Variants in NRXN3 observed in about 807,000 individuals in gnomAD.
NRXN3 encodes neurexin 3.
In NRXN3, 32 loss-of-function variants were observed where a neutral mutation model predicts 137.6. That is an observed-to-expected ratio of 0.23 (90% CI 0.18 to 0.31). NRXN3 has a LOEUF of 0.31. Among genes scored for constraint, NRXN3 ranks in the 10% least tolerant of loss-of-function variants. The pLI is 1.00. For synonymous variants in NRXN3, 798 were observed against 784.5 expected (o/e 1.02, Z -0.29); for missense variants, 1,574 against 2,062.5 (o/e 0.76, Z 4.59).
At chr14:79,435,667 G>A (rs1055783220) in intron 15 of NRXN3, among the ~76,000 whole-genome samples, 44 of 147,328 alleles carry the variant, frequency 3.0e-4, no homozygotes, top group African/African-American at 8.5e-4. Context: ...ACAGGATCTC[G>A]CTCTGTCACC....
chr14:78,233,297 C>T (rs555155937), intron 1 of NRXN3, among the ~76,000 whole-genome samples: 9 of 152,260 alleles, frequency 5.9e-5, no homozygotes, highest in African/African-American at 1.7e-4. Flanking sequence ...AGTGAAAAGA[C>T]AGTCTGGTTC....
At chr14:79,280,720 C>A in intron 15 of NRXN3, 1 of 626,140 alleles carries the variant, frequency 1.6e-6, no homozygotes, top group Non-Finnish European at 2.7e-6. Context: ...GTGTTTTCTG[C>A]CCCTAGCCTC....
chr14:79,614,228 G>C (rs2098132724), intron 16 of NRXN3, among the ~76,000 whole-genome samples: 1 of 152,186 alleles, frequency 6.6e-6, no homozygotes, highest in African/African-American at 2.4e-5. Context: ...TTTGAAGTAA[G>C]AATTTCCTTC....
At chr14:78,783,854 A>T (rs1163462459) in intron 8 of NRXN3, among the ~76,000 whole-genome samples, 1 of 152,108 alleles carries the variant, frequency 6.6e-6, no homozygotes, top group East Asian at 1.9e-4. Flanking sequence ...TGGTCATCTT[A>T]CCTGGGAAGA....
At chr14:78,527,625 T>A (rs2096399945) in intron 4 of NRXN3, among the ~76,000 whole-genome samples, 1 of 152,216 alleles carries the variant, frequency 6.6e-6, no homozygotes, top group African/African-American at 2.4e-5. Context: ...AGCTCCAATT[T>A]TTTATGATCT....
At chr14:79,725,863 T>G (rs2098884782) in intron 19 of NRXN3, among the ~76,000 whole-genome samples, 1 of 152,146 alleles carries the variant, frequency 6.6e-6, no homozygotes, top group African/African-American at 2.4e-5. Context: ...GACAGTGCAG[T>G]TGTTTGCTAA....
At chr14:79,359,149 C>A (rs1287787485) in intron 15 of NRXN3, among the ~76,000 whole-genome samples, 1 of 152,198 alleles carries the variant, frequency 6.6e-6, no homozygotes, top group East Asian at 1.9e-4. Flanking sequence ...TTTCCACCTT[C>A]CAAGTATTTT....
intron 11 of NRXN3, among the ~76,000 whole-genome samples, chr14:78,961,623 C>A (rs182583903): frequency 1.3e-5 from 2 of 152,158 alleles, no homozygotes; most frequent in African/African-American, 4.8e-5. Flanking sequence ...TGTGTTGATA[C>A]GTTTAACCCT....
At chr14:79,201,736 G>A (rs2153217993) in intron 15 of NRXN3, 1 of 152,330 alleles carries the variant, frequency 6.6e-6, no homozygotes, top group South Asian at 2.1e-4. Flanking sequence ...AACTATTAAA[G>A]TTGATAAAGC....
chr14:78,805,202 G>A (rs548452210), intron 9 of NRXN3, among the ~76,000 whole-genome samples: 3 of 151,786 alleles, frequency 2.0e-5, no homozygotes, highest in South Asian at 2.1e-4. Context: ...TTACAGTACC[G>A]TGCTCTTTTT....
chr14:79,190,401 A>G (rs74613928), intron 15 of NRXN3, among the ~76,000 whole-genome samples: 1,630 of 152,292 alleles, frequency 0.011, 25 homozygotes, highest in African/African-American at 0.037. Context: ...TAACTTATAC[A>G]TACTTGTGAA....
At chr14:79,849,425 C>T (rs577076289) in intron 20 of NRXN3, among the ~76,000 whole-genome samples, 1 of 151,958 alleles carries the variant, frequency 6.6e-6, no homozygotes, top group Non-Finnish European at 1.5e-5. Context: ...ACTTATAACC[C>T]GATTTTAAAA....
chr14:78,460,084 C>T (rs1415633354), intron 4 of NRXN3, among the ~76,000 whole-genome samples: 3 of 152,202 alleles, frequency 2.0e-5, no homozygotes, highest in African/African-American at 7.2e-5. Context: ...TTACATCTAC[C>T]CATTTATTAT....
intron 15 of NRXN3, among the ~76,000 whole-genome samples, chr14:79,465,841 G>A (rs571772565): frequency 2.6e-4 from 40 of 152,340 alleles, no homozygotes; most frequent in Non-Finnish European, 4.9e-4. Context: ...TGAGTAACCC[G>A]TGGAAGTATT....
In NRXN3 at chr14:78,286,179, A is replaced by T. The variant is rs180839644; in HGVS notation, c.727+7517A>T. Among the ~76,000 whole-genome samples the T allele has an allele frequency of 1.3e-5, 2 of 152,306 alleles. 1 individual carries two copies. The highest frequency in any genetic ancestry group is 4.8e-5 in the African/African-American group (2 of 41,566). On this transcript the variant is annotated intron_variant, in intron 3 of 20. Coordinates refer to ENST00000335750, the MANE Select transcript of NRXN3 (RefSeq NM_001330195.2). ...TTTAGCTGGAAAAATCATTTGTGGT[A>T]TCCTGCCCCTGACCCTGCCAAATGG...
chr14:78,608,297 T>G (rs2097269266), intron 4 of NRXN3, among the ~76,000 whole-genome samples: 1 of 152,136 alleles, frequency 6.6e-6, no homozygotes, highest in African/African-American at 2.4e-5. Context: ...ATAAGAGATG[T>G]CAGTTGTGTT....
At chr14:79,333,884 T>A (rs1384799754) in intron 15 of NRXN3, among the ~76,000 whole-genome samples, 4 of 152,178 alleles carry the variant, frequency 2.6e-5, no homozygotes, top group Admixed American at 2.6e-4. Flanking sequence ...AGAATTTGAA[T>A]CAATCTCTTC....
At chr14:79,786,379 T>A (rs764531842) in intron 19 of NRXN3, among the ~76,000 whole-genome samples, 2 of 152,204 alleles carry the variant, frequency 1.3e-5, no homozygotes, top group Non-Finnish European at 2.9e-5. Context: ...ACTTGTTTCA[T>A]GGAGGGGTAA....
intron 10 of NRXN3, among the ~76,000 whole-genome samples, chr14:78,913,019 A>G (rs2099243555): frequency 6.6e-6 from 1 of 152,116 alleles, no homozygotes; most frequent in Non-Finnish European, 1.5e-5. Flanking sequence ...TATAGCAGTG[A>G]AAAAGACAGG....
Sources: allele counts gnomAD v4.1 joint callset (sites outside exome capture counted in the v4.1 genomes callset), GRCh38; gene constraint gnomAD v4.1.1; transcripts MANE v1.5; gene names NCBI Gene and HGNC (gene_info 2026-07-23, HGNC 2026-07-21).